Variants in NDC80 observed in about 807,000 individuals in gnomAD.
NDC80 encodes the protein kinetochore protein NDC80 homolog.
NDC80 carries 69 observed loss-of-function variants against 89.3 expected under a neutral mutation model. The observed-to-expected ratio is 0.77, with a 90% CI of 0.64 to 0.94. NDC80 has a LOEUF of 0.94. Ranked by LOEUF, NDC80 falls within the 40% of genes least tolerant of loss-of-function variation. The pLI, the probability that NDC80 is intolerant of heterozygous loss-of-function variation, is 0.00. For missense variants in NDC80, 593 were observed against 739.6 expected (o/e 0.80, Z 2.30); for synonymous variants, 243 against 255.6 (o/e 0.95, Z 0.47).
rs1440800386 is a variant in NDC80 at position 2,573,097 on chromosome 18, C to A, written c.101+11C>A. 6.3e-7 allele frequency: 1 copy of A among 1,591,192 alleles called. No individual in the cohort carries two copies. The highest frequency in any genetic ancestry group is 8.6e-7 in the Non-Finnish European group (1 of 1,165,204). ...CTATACCCCTCAAACGTGAGTATTT[C>A]CCTTGTGGTTCTAATTTGCATGCTT... is the stretch of plus-strand genomic sequence containing the variant. On this transcript the variant is annotated intron_variant, in intron 2 of 16. Coordinates refer to ENST00000261597, the MANE Select transcript of NDC80 (RefSeq NM_006101.3).
chr18:2,616,356 C>T, intron 16 of NDC80, 81 bp from the exon 17 acceptor site: 3 of 1,034,804 alleles, frequency 2.9e-6, no homozygotes, highest in Non-Finnish European at 2.7e-6. Flanking sequence ...ATGTTATCCT[C>T]TTGTTTGTAA....
At chr18:2,613,833 A>C (rs2072757646) in intron 16 of NDC80, among the ~76,000 whole-genome samples, 1 of 152,242 alleles carries the variant, frequency 6.6e-6, no homozygotes, top group Non-Finnish European at 1.5e-5. Flanking sequence ...TTTTTAAAAC[A>C]CAACTGGTAA....
At chr18:2,574,962 A>T in intron 2 of NDC80, 27 bp from the exon 3 acceptor site, 1 of 1,433,390 alleles carries the variant, frequency 7.0e-7, no homozygotes, top group Non-Finnish European at 9.6e-7. Context: ...TTTTATTTTA[A>T]AGAGTTGTTT....
At position 2,585,332 on chromosome 18, in the gene NDC80, C is replaced by CA. The variant is rs1204812475; in HGVS notation, c.669+135dup. On this transcript the variant is annotated intron_variant, in intron 7 of 16. Coordinates refer to ENST00000261597, the MANE Select transcript of NDC80 (RefSeq NM_006101.3). ...CGACTGTAAGGTGAAAATATCATGT[C>CA]AAAAATGCATTTAATACACTTAACC... The CA allele has an allele frequency of 4.4e-6, 3 of 680,674 alleles. No homozygotes were observed. The East Asian group carries it at 8.2e-5, about 19-fold the overall frequency. 42.2% of individuals were successfully genotyped at this position (680,674 alleles called of 1,614,324 possible). A position where few individuals can be genotyped will look rare whatever the true frequency, so the allele number is the denominator to read the frequency against.
At chr18:2,592,512 T>A (rs975177852) in intron 10 of NDC80, among the ~76,000 whole-genome samples, 4 of 151,782 alleles carry the variant, frequency 2.6e-5, no homozygotes, top group Non-Finnish European at 4.4e-5. Flanking sequence ...TGCACCATCA[T>A]GCCCAGCTAA....
At chr18:2,579,052 A>G (rs777124255) in intron 6 of NDC80, 23 bp downstream of exon 6, 25 of 1,403,076 alleles carry the variant, frequency 1.8e-5, no homozygotes, top group Non-Finnish European at 1.1e-5. Context: ...TTCTTTTGAA[A>G]TGTATACATG....
At position 2,599,047 on chromosome 18, in the gene NDC80, A is replaced by G; in HGVS notation, c.1250A>G (p.Lys417Arg). 1 of 1,611,732 alleles carries G rather than the reference A, an allele frequency of 6.2e-7. No individual in the cohort carries two copies. Among genetic ancestry groups the G allele is most frequent in the Non-Finnish European group, 8.5e-7 (1 of 1,178,968 alleles). The stretch of plus-strand genomic sequence containing the variant: ...GAAACACAATTAGCAGAGTATCACA[A>G]ATTGGCTAGAAAATTAAAACTTATT... ...AIETQLAEYH[K>R]LARKLKLIPK... Residue 417 changes from lysine to arginine, a missense_variant, in exon 12 of 17, where the codon AAA (lysine) becomes AGA (arginine). Lys to Arg is a conservative substitution (Grantham distance 26). Transcript: ENST00000261597.
intron 10 of NDC80, 60 bp from the exon 11 acceptor site, chr18:2,595,356 G>T (rs2072649251): frequency 5.1e-6 from 6 of 1,187,178 alleles, no homozygotes; most frequent in Non-Finnish European, 7.4e-6. Context: ...TTACATGATG[G>T]CATCTGTTTC....
intron 9 of NDC80, among the ~76,000 whole-genome samples, 188 bp from the exon 10 acceptor site, chr18:2,589,829 GT>G (rs55792141): frequency 0.3 from 38,827 of 130,656 alleles, 6,040 homozygotes; most frequent in African/African-American, 0.31. Context: ...AGCAATTGTG[GT>G]TTTTTTTTTT....
intron 13 of NDC80, among the ~76,000 whole-genome samples, chr18:2,602,380 T>G (rs953592381): frequency 6.6e-6 from 1 of 152,108 alleles, no homozygotes; most frequent in Admixed American, 6.6e-5. Flanking sequence ...TTTGTAACAT[T>G]AGATAAGTGA....
chr18:2,597,113 C>T (rs1197464256), intron 11 of NDC80, among the ~76,000 whole-genome samples: 1 of 151,890 alleles, frequency 6.6e-6, no homozygotes, highest in African/African-American at 2.4e-5. Flanking sequence ...CAGCATGGCA[C>T]ATGTATACAT....
intron 13 of NDC80, among the ~76,000 whole-genome samples, chr18:2,602,327 T>G (rs2072687915): frequency 6.6e-6 from 1 of 152,212 alleles, no homozygotes; most frequent in Admixed American, 6.5e-5. Flanking sequence ...TATCAAGACT[T>G]ACTTTGTATT....
rs571195573 is a variant in NDC80, at chr18:2,571,702, A to C, written c.-10+19A>C. The C allele has an allele frequency of 6.6e-6, 1 of 152,446 alleles. No homozygotes were observed. Among genetic ancestry groups the C allele is most frequent in the South Asian group, 2.1e-4 (1 of 4,824 alleles). 9.4% of individuals were successfully genotyped at this position (152,446 alleles called of 1,614,324 possible). On this transcript the variant is annotated intron_variant, in intron 1 of 16. Coordinates refer to ENST00000261597, the MANE Select transcript of NDC80 (RefSeq NM_006101.3). ...AAAAAAGGTGACTGAATGACATCGGATTAACTTTGTTTCTGCAGAGCTGTT... is the reference window on the plus strand; with the variant it reads ...AAAAAAGGTGACTGAATGACATCGGCTTAACTTTGTTTCTGCAGAGCTGTT...
intron 11 of NDC80, among the ~76,000 whole-genome samples, chr18:2,598,287 A>C (rs2072667630): frequency 6.6e-6 from 1 of 152,256 alleles, no homozygotes; most frequent in Non-Finnish European, 1.5e-5. Flanking sequence ...AGACTCTGCA[A>C]ATTCATTTAT....
At chr18:2,601,096 T>C (rs2072681809) in intron 12 of NDC80, among the ~76,000 whole-genome samples, 1 of 152,088 alleles carries the variant, frequency 6.6e-6, no homozygotes, top group African/African-American at 2.4e-5. Context: ...TCAAAAAAAA[T>C]ACTGCAGTAA....
At chr18:2,615,629 C>T (rs1418516953) in intron 16 of NDC80, among the ~76,000 whole-genome samples, 2 of 152,182 alleles carry the variant, frequency 1.3e-5, no homozygotes, top group Non-Finnish European at 2.9e-5. Flanking sequence ...GGAATTAGGG[C>T]ATGGACATCT....
intron 11 of NDC80, among the ~76,000 whole-genome samples, chr18:2,598,198 T>G (rs2072667092): frequency 6.6e-6 from 1 of 152,206 alleles, no homozygotes; most frequent in Non-Finnish European, 1.5e-5. Flanking sequence ...TCACTCAAAT[T>G]GATTTTTATG....
rs1340470476 is a variant in NDC80 at position 2,601,387 on chromosome 18, A to G, written c.1375-9A>G. On this transcript the variant is annotated splice_polypyrimidine_tract_variant and intron_variant, in intron 12 of 16. Coordinates refer to ENST00000261597, the MANE Select transcript of NDC80 (RefSeq NM_006101.3). ...TTATATGTCACCCACATTCCTATGTATTTTATAGGTACCTCTTAAGGAACT... is the reference window on the plus strand; with the variant it reads ...TTATATGTCACCCACATTCCTATGTGTTTTATAGGTACCTCTTAAGGAACT... 4 of 1,379,168 alleles carry G rather than the reference A, an allele frequency of 2.9e-6. No homozygotes were observed. The highest frequency in any genetic ancestry group is 4.0e-6 in the Non-Finnish European group (4 of 1,003,082). 85.4% of individuals were successfully genotyped at this position (1,379,168 alleles called of 1,614,324 possible).
At chr18:2,577,003 T>C (rs889036103) in intron 3 of NDC80, among the ~76,000 whole-genome samples, 10 of 152,202 alleles carry the variant, frequency 6.6e-5, no homozygotes, top group Non-Finnish European at 1.3e-4. Flanking sequence ...AACTTCCATT[T>C]TTGGTATTTA....
Sources: gnomAD v4.1 joint callset for allele counts (sites outside exome capture counted in the v4.1 genomes callset) on GRCh38, gnomAD v4.1.1 for gene constraint, MANE v1.5 for transcripts, NCBI Gene and HGNC (gene_info 2026-07-23, HGNC 2026-07-21) for gene names.